DNAAF11: variants seen among roughly 807,000 people sequenced by gnomAD.
DNAAF11 encodes leucine rich repeat containing 6.
In DNAAF11, 45 loss-of-function variants were observed where a neutral mutation model predicts 60.8. The observed-to-expected ratio is 0.74, with a 90% CI of 0.58 to 0.95. DNAAF11 has a LOEUF of 0.95. DNAAF11 is among the 40% of genes least tolerant of loss of function. DNAAF11 has a pLI of 0.00. For synonymous variants in DNAAF11, 191 were observed against 183.5 expected (o/e 1.04, Z -0.33); for missense variants, 546 against 546.2 (o/e 1.00, Z 0.00).
chr8:132,622,548 T>C lies in DNAAF11; in HGVS notation c.914+63A>G. ...CAGAGCAAACCTGGAATTGAAACAA[T>C]GATTGACCAACACCATTGACTGACA... On this transcript the variant is annotated intron_variant, in intron 7 of 11. Coordinates refer to ENST00000620350, the MANE Select transcript of DNAAF11 (RefSeq NM_012472.6). 7 of 1,222,038 alleles carry C rather than the reference T, an allele frequency of 5.7e-6. No homozygotes were observed. The South Asian group carries it at 6.6e-5, about 12-fold the overall frequency. The allele number at this position is 1,222,038 out of a possible 1,614,324, so 75.7% of individuals were successfully genotyped here.
rs77350865 is a variant in DNAAF11 at position 132,598,560 on chromosome 8, A to G, written c.1140+11606T>C. 8.5e-5 allele frequency among the ~76,000 whole-genome samples: 13 copies of G among 152,318 alleles called. No individual in the cohort carries two copies. In the East Asian group the frequency reaches 2.3e-3, roughly 27 times the overall value. ...GGGGCCAAGCCAATTTTATTTTTCT[A>G]TTCATAAAAAGTATAGCACAATATC... is the stretch of plus-strand genomic sequence containing the variant. On this transcript the variant is annotated intron_variant, in intron 10 of 11. Transcript: ENST00000620350.
rs111339640 is a variant in DNAAF11, at chr8:132,576,312, G to T, written c.1227-3832C>A. Among the ~76,000 whole-genome samples, 743 of 152,268 alleles carry T rather than the reference G, an allele frequency of 4.9e-3. 12 individuals are homozygous for T. The highest frequency in any genetic ancestry group is 0.017 in the African/African-American group (715 of 41,540). On this transcript the variant is annotated intron_variant, in intron 11 of 11. Coordinates refer to ENST00000620350, the MANE Select transcript of DNAAF11 (RefSeq NM_012472.6). Reference sequence around the variant, plus strand: ...TCTGTTCATTCAATAAGTGTTTACTGAGTACCTACTATGCACCCAGGTTTG... The same window carrying T: ...TCTGTTCATTCAATAAGTGTTTACTTAGTACCTACTATGCACCCAGGTTTG...
At chr8:132,587,190 A>G (rs1213387127) in intron 10 of DNAAF11, among the ~76,000 whole-genome samples, 1 of 152,130 alleles carries the variant, frequency 6.6e-6, no homozygotes, top group East Asian at 1.9e-4. Context: ...TGCAAATAGA[A>G]TCACAAATTT....
chr8:132,623,273 A>T (rs1819935639), intron 6 of DNAAF11, among the ~76,000 whole-genome samples: 1 of 152,162 alleles, frequency 6.6e-6, no homozygotes, highest in Non-Finnish European at 1.5e-5. Context: ...TGCAGCTATT[A>T]AAAAATGTGT....
intron 10 of DNAAF11, among the ~76,000 whole-genome samples, chr8:132,588,596 C>A (rs1460967391): frequency 6.6e-6 from 1 of 152,040 alleles, no homozygotes; most frequent in Non-Finnish European, 1.5e-5. Context: ...AGTAGAATTG[C>A]TAGATATATG....
intron 10 of DNAAF11, among the ~76,000 whole-genome samples, chr8:132,586,322 A>G (rs1446748979): frequency 2.6e-5 from 4 of 152,236 alleles, no homozygotes; most frequent in Non-Finnish European, 5.9e-5. Context: ...TATCCAACAC[A>G]ATAGCTACCA....
At chr8:132,638,971 C>T (rs1821585612) in intron 3 of DNAAF11, among the ~76,000 whole-genome samples, 1 of 152,172 alleles carries the variant, frequency 6.6e-6, no homozygotes, top group Admixed American at 6.5e-5. Flanking sequence ...CAAGCTTCAG[C>T]CTGCTCATCT....
intron 10 of DNAAF11, among the ~76,000 whole-genome samples, chr8:132,598,045 G>T (rs1006108421): frequency 6.6e-6 from 1 of 152,138 alleles, no homozygotes; most frequent in Non-Finnish European, 1.5e-5. Flanking sequence ...CATTGTTTGT[G>T]TTCATTTGGA....
the DNAAF11 span, among the ~76,000 whole-genome samples, chr8:132,684,000 G>T: frequency 1.3e-5 from 2 of 152,174 alleles, no homozygotes; most frequent in Non-Finnish European, 2.9e-5. Context: ...TGTTTTACCT[G>T]GTTGATATGC....
intron 10 of DNAAF11, among the ~76,000 whole-genome samples, chr8:132,595,597 C>A (rs1563993084): frequency 1.3e-5 from 2 of 152,046 alleles, no homozygotes; most frequent in Admixed American, 6.6e-5. Flanking sequence ...AAATAAATAA[C>A]AACCACGTTG....
intron 1 of DNAAF11, among the ~76,000 whole-genome samples, chr8:132,669,299 G>A (rs1015988524): frequency 1.3e-5 from 2 of 152,216 alleles, no homozygotes; most frequent in South Asian, 4.1e-4. Flanking sequence ...TTTGGAGTCA[G>A]ACTACATGTT....
intron 5 of DNAAF11, among the ~76,000 whole-genome samples, chr8:132,625,910 A>G (rs1438015591): frequency 6.6e-6 from 1 of 152,088 alleles, no homozygotes; most frequent in Non-Finnish European, 1.5e-5. Context: ...CCCCACTTCT[A>G]ATCTTGTACC....
intron 1 of DNAAF11, among the ~76,000 whole-genome samples, chr8:132,667,587 C>T (rs1824757817): frequency 6.6e-6 from 1 of 152,064 alleles, no homozygotes; most frequent in Non-Finnish European, 1.5e-5. Context: ...TTTCAAACAG[C>T]AAAATATAAG....
intron 3 of DNAAF11, among the ~76,000 whole-genome samples, chr8:132,652,255 G>A (rs942570881): frequency 1.5e-4 from 23 of 152,166 alleles, no homozygotes; most frequent in African/African-American, 5.6e-4. Flanking sequence ...GCAGGCTGAG[G>A]CTGGATAGGC....
intron 6 of DNAAF11, among the ~76,000 whole-genome samples, chr8:132,623,213 G>A (rs78759081): frequency 0.017 from 2,523 of 152,252 alleles, 85 homozygotes; most frequent in African/African-American, 0.057. Flanking sequence ...ATGTCCATCA[G>A]TGGAAAAATG....
At chr8:132,580,886 C>T (rs530623710) in intron 11 of DNAAF11, among the ~76,000 whole-genome samples, 2 of 152,244 alleles carry the variant, frequency 1.3e-5, no homozygotes, top group East Asian at 3.9e-4. Context: ...ATAAAATTAG[C>T]CAACTCACTC....
At chr8:132,622,454 A>G (rs1472421601) in intron 7 of DNAAF11, among the ~76,000 whole-genome samples, 157 bp downstream of exon 7, 3 of 152,336 alleles carry the variant, frequency 2.0e-5, no homozygotes, top group Middle Eastern at 3.4e-3. Context: ...TTTTGCCTTT[A>G]AATATGCACC....
At chr8:132,640,653 C>G (rs1316037764) in intron 3 of DNAAF11, among the ~76,000 whole-genome samples, 6 of 152,042 alleles carry the variant, frequency 3.9e-5, no homozygotes, top group Non-Finnish European at 7.4e-5. Flanking sequence ...TAACCAAGCC[C>G]CAGAGACCTT....
intron 6 of DNAAF11, 29 bp from the exon 7 acceptor site, chr8:132,622,717 G>A (rs1332844929): frequency 7.0e-7 from 1 of 1,435,502 alleles, no homozygotes; most frequent in East Asian, 2.3e-5. Context: ...TGAGAACAAT[G>A]GGCAGCATGG....
Sources: allele counts gnomAD v4.1 joint callset (sites outside exome capture counted in the v4.1 genomes callset), GRCh38; gene constraint gnomAD v4.1.1; transcripts MANE v1.5; gene names NCBI Gene and HGNC (gene_info 2026-07-23, HGNC 2026-07-21).